Variants in PROSER1 observed in about 807,000 individuals in gnomAD.
PROSER1 encodes proline and serine-rich protein 1.
In PROSER1, 36 loss-of-function variants were observed where a neutral mutation model predicts 71.8. The ratio of observed to expected loss-of-function variants is 0.50; its 90% CI spans 0.38 to 0.66. The LOEUF (loss-of-function observed/expected upper bound fraction) is 0.66, where lower values mean the gene tolerates loss of function less well. PROSER1 is among the 30% of genes least tolerant of loss of function. The probability of loss-of-function intolerance (pLI) is 0.00; values close to 1 mark genes in which losing one functional copy is unlikely to be tolerated. For missense variants in PROSER1, 1,107 were observed against 1,135.0 expected (o/e 0.98, Z 0.35); for synonymous variants, 490 against 452.4 (o/e 1.08, Z -1.06).
In PROSER1 at chr13:39,010,462, T is replaced by C. The variant is rs1386546407; in HGVS notation, c.*903A>G. ...ACAGATCCTTAAATAGAGTACATAC[T>C]GCATAATTACTAACAGAGCCAGTCT... On this transcript the variant is annotated 3_prime_UTR_variant, in exon 13 of 13. Coordinates refer to ENST00000352251, the MANE Select transcript of PROSER1 (RefSeq NM_025138.5). 1.3e-5 allele frequency: 2 copies of C among 152,662 alleles called. No individual in the cohort carries two copies. The highest frequency in any genetic ancestry group is 6.5e-5 in the Admixed American group (1 of 15,286). The allele number at this position is 152,662 out of a possible 1,614,324, so 9.5% of individuals were successfully genotyped here. A position where few individuals can be genotyped will look rare whatever the true frequency, so the allele number is the denominator to read the frequency against.
Position 39,023,177 on chromosome 13 carries a change from C to T in PROSER1, c.565-47G>A, listed in dbSNP as rs776502769. 1.0e-5 allele frequency: 15 copies of T among 1,429,728 alleles called. No individual in the cohort carries two copies. The Admixed American group carries it at 2.2e-4, about 21-fold the overall frequency. 88.6% of individuals were successfully genotyped at this position (1,429,728 alleles called of 1,614,324 possible). On this transcript the variant is annotated intron_variant, in intron 7 of 12. Transcript: ENST00000352251. ...AGCAGTTAGAAGAAAATCAAGTAAG[C>T]TGTCTCCTGGCAACTTGTCTTTCAA...
At chr13:39,029,449 A>G in intron 3 of PROSER1, 74 bp from the exon 4 acceptor site, 1 of 742,934 alleles carries the variant, frequency 1.3e-6, no homozygotes. Context: ...CTGGAAGTAC[A>G]GTTAAATGCT....
In PROSER1 at chr13:39,037,189, T is replaced by C. The variant is rs182807727; in HGVS notation, c.45+9A>G. 54 of 1,576,424 alleles carry C rather than the reference T, an allele frequency of 3.4e-5. No individual in the cohort carries two copies. Among genetic ancestry groups the C allele is most frequent in the Non-Finnish European group, 3.3e-5 (38 of 1,145,780 alleles). Reference sequence around the variant, plus strand: ...CTCATAAAATAATTCATGGAATCGGTCTAATTACCTTTCTAATTTCATCCA... The same window carrying C: ...CTCATAAAATAATTCATGGAATCGGCCTAATTACCTTTCTAATTTCATCCA... On this transcript the variant is annotated intron_variant, in intron 1 of 12. Coordinates refer to ENST00000352251, the MANE Select transcript of PROSER1 (RefSeq NM_025138.5).
chr13:39,010,147 A>G lies in PROSER1; in HGVS notation c.*1218T>C, dbSNP rs1319750956. 6.8e-6 allele frequency: 1 copy of G among 147,638 alleles called. No homozygotes were observed. Among genetic ancestry groups the G allele is most frequent in the African/African-American group, 2.6e-5 (1 of 38,328 alleles). The allele number at this position is 147,638 out of a possible 1,614,324, so 9.1% of individuals were successfully genotyped here. A position where few individuals can be genotyped will look rare whatever the true frequency, so the allele number is the denominator to read the frequency against. ...ATCCAAGCACTTAGTAAAACACAGA[A>G]TATTTGTCATATCCATAGTTTATTT... On this transcript the variant is annotated 3_prime_UTR_variant, in exon 13 of 13. Transcript: ENST00000352251.
chr13:39,036,344 C>G (rs546450846), intron 1 of PROSER1, among the ~76,000 whole-genome samples: 1 of 152,238 alleles, frequency 6.6e-6, no homozygotes, highest in Non-Finnish European at 1.5e-5. Flanking sequence ...TTAATAATAG[C>G]TTTGTAAACT....
chr13:39,022,297 T>C, intron 9 of PROSER1, 29 bp downstream of exon 9: 2 of 1,431,648 alleles, frequency 1.4e-6, no homozygotes, highest in Non-Finnish European at 2.0e-6. Flanking sequence ...ATGAATAAGT[T>C]ACTTAAACAC....
rs1199422527 is a variant in PROSER1 at position 39,037,182 on chromosome 13, G to C, written c.45+16C>G. ...AATTCATCTCATAAAATAATTCATGGAATCGGTCTAATTACCTTTCTAATT... is the reference window on the plus strand; with the variant it reads ...AATTCATCTCATAAAATAATTCATGCAATCGGTCTAATTACCTTTCTAATT... On this transcript the variant is annotated intron_variant, in intron 1 of 12. Coordinates refer to ENST00000352251, the MANE Select transcript of PROSER1 (RefSeq NM_025138.5). 2.6e-6 allele frequency: 4 copies of C among 1,557,256 alleles called. No homozygotes were observed. The highest frequency in any genetic ancestry group is 3.5e-6 in the Non-Finnish European group (4 of 1,128,388).
At chr13:39,028,761 A>G (rs1455099639) in intron 4 of PROSER1, among the ~76,000 whole-genome samples, 1 of 152,174 alleles carries the variant, frequency 6.6e-6, no homozygotes. Context: ...TAACTTATAC[A>G]TTCTTCAGTT....
chr13:39,012,080 T>C lies in PROSER1; in HGVS notation c.2712+3A>G, dbSNP rs1326400460. 4 of 1,612,478 alleles carry C rather than the reference T, an allele frequency of 2.5e-6. No individual in the cohort carries two copies. The East Asian group carries it at 6.7e-5, about 27-fold the overall frequency. The stretch of plus-strand genomic sequence containing the variant: ...GTAATTTATGCCAGCCATTGCTGCT[T>C]ACCTGCTGTAACAATGCTGACTGCG... On this transcript the variant is annotated splice_donor_region_variant and intron_variant, in intron 12 of 12. Coordinates refer to ENST00000352251, the MANE Select transcript of PROSER1 (RefSeq NM_025138.5).
In PROSER1 at chr13:39,011,981, T is replaced by A. The variant is rs529683232; in HGVS notation, c.2712+102A>T. ...TCTATGCATTCTGCTAAGAGCCATT[T>A]TTTGCCAATGTTGGGATATCGCAAA... On this transcript the variant is annotated intron_variant, in intron 12 of 12. Transcript: ENST00000352251. 1.7e-5 allele frequency: 21 copies of A among 1,244,074 alleles called. No individual in the cohort carries two copies. The African/African-American group carries it at 2.6e-4, about 15-fold the overall frequency. 77.1% of individuals were successfully genotyped at this position (1,244,074 alleles called of 1,614,324 possible). A position where few individuals can be genotyped will look rare whatever the true frequency, so the allele number is the denominator to read the frequency against.
At chr13:39,017,638 TATAA>T (rs1276289823) in intron 9 of PROSER1, 94 bp from the exon 10 acceptor site, 20 of 682,474 alleles carry the variant, frequency 2.9e-5, no homozygotes, top group Non-Finnish European at 4.7e-5. Context: ...AAACACAGGA[TATAA>T]ATATTTATGG....
chr13:39,034,720 G>A (rs1871016711), intron 1 of PROSER1, among the ~76,000 whole-genome samples: 1 of 152,232 alleles, frequency 6.6e-6, no homozygotes, highest in Non-Finnish European at 1.5e-5. Context: ...GTCTGTGCCT[G>A]CCACTAACTG....
chr13:39,022,494 T>C, intron 8 of PROSER1, 82 bp from the exon 9 acceptor site: 2 of 872,096 alleles, frequency 2.3e-6, no homozygotes, highest in Non-Finnish European at 3.9e-6. Context: ...GAGTTCAAAC[T>C]ATATTAATGC....
intron 9 of PROSER1, 25 bp from the exon 10 acceptor site, chr13:39,017,569 A>T: frequency 8.0e-7 from 1 of 1,244,822 alleles, no homozygotes; most frequent in Non-Finnish European, 1.1e-6. Flanking sequence ...ATAAAAGTTC[A>T]TTTTAAACTT....
chr13:39,016,073 A>G (rs1256489259), intron 10 of PROSER1, among the ~76,000 whole-genome samples: 1 of 152,232 alleles, frequency 6.6e-6, no homozygotes, highest in Non-Finnish European at 1.5e-5. Flanking sequence ...TATTATTTAT[A>G]GCAGCCTCTG....
chr13:39,029,326 A>G lies in PROSER1; in HGVS notation c.230T>C (p.Phe77Ser). ...PTEVVNILNC[F>S]TFSKDKLVAL... ...AACTAGTTTGTCTTTACTGAAAGTG[A>G]AACAGTTGAGTATATTGACCACTTC... The change falls in exon 4 of 13, where the codon TTC becomes TCC. Residue 77 changes from phenylalanine to serine, a missense_variant. By Grantham distance (155) the Phe-to-Ser change is radical. Transcript: ENST00000352251. 6.4e-7 allele frequency: 1 copy of G among 1,553,108 alleles called. No individual in the cohort carries two copies. Among genetic ancestry groups the G allele is most frequent in the Non-Finnish European group, 8.6e-7 (1 of 1,157,446 alleles).
intron 1 of PROSER1, among the ~76,000 whole-genome samples, chr13:39,035,982 C>T (rs1871082024): frequency 6.6e-6 from 1 of 152,188 alleles, no homozygotes; most frequent in South Asian, 2.1e-4. Context: ...TCCTATTCCC[C>T]TCTTTAGAAT....
At chr13:39,036,045 G>GT (rs1871084418) in intron 1 of PROSER1, among the ~76,000 whole-genome samples, 1 of 152,130 alleles carries the variant, frequency 6.6e-6, no homozygotes, top group Admixed American at 6.5e-5. Flanking sequence ...CTGAGACCCT[G>GT]TATCTTCCAA....
intron 2 of PROSER1, among the ~76,000 whole-genome samples, chr13:39,032,638 T>C (rs1245843120): frequency 6.6e-6 from 1 of 152,142 alleles, no homozygotes; most frequent in African/African-American, 2.4e-5. Context: ...TATGTATACT[T>C]TCCAGTTAAT....
Sources: allele counts gnomAD v4.1 joint callset (sites outside exome capture counted in the v4.1 genomes callset), GRCh38; gene constraint gnomAD v4.1.1; transcripts MANE v1.5; gene names NCBI Gene and HGNC (gene_info 2026-07-23, HGNC 2026-07-21).